Variants in DRICH1 observed in about 807,000 individuals in gnomAD.
DRICH1 encodes aspartate rich 1.
In DRICH1, 38 loss-of-function variants were observed where a neutral mutation model predicts 39.5. The observed-to-expected ratio is 0.96, with a 90% confidence interval of 0.74 to 1.26. The LOEUF (loss-of-function observed/expected upper bound fraction) is 1.26. Ranked by LOEUF, DRICH1 falls within the 50% of genes most tolerant of loss-of-function variation. DRICH1 has a pLI of 0.00. For missense variants in DRICH1, 279 were observed against 270.4 expected, an observed-to-expected ratio of 1.03 and a Z score of -0.22; for synonymous variants, 84 against 99.5, an observed-to-expected ratio of 0.84 and a Z score of 0.93.
chr22:23,624,846 TTGTTTC>T (rs1355890991), intron 3 of DRICH1, 31 bp downstream of exon 3: 3 of 1,606,276 alleles, frequency 1.9e-6, no homozygotes, highest in Admixed American at 3.3e-5. Context: ...GCTAGCAAGT[TTGTTTC>T]TCAGAAAGTG....
At chr22:23,617,055 C>A (rs916881040) in intron 7 of DRICH1, among the ~76,000 whole-genome samples, 181 bp from the exon 8 acceptor site, 8 of 152,162 alleles carry the variant, frequency 5.3e-5, no homozygotes, top group Non-Finnish European at 8.8e-5. Flanking sequence ...GCTTTTCCCA[C>A]AGAATTTATC....
chr22:23,609,326 T>C (rs1926904433), intron 11 of DRICH1, among the ~76,000 whole-genome samples: 1 of 152,160 alleles, frequency 6.6e-6, no homozygotes, highest in Non-Finnish European at 1.5e-5. Context: ...GGCGAGTAAT[T>C]GTGCCTATCA....
intron 6 of DRICH1, 63 bp downstream of exon 6, chr22:23,619,301 T>C: frequency 2.6e-6 from 2 of 774,244 alleles, no homozygotes; most frequent in South Asian, 1.4e-5. Context: ...CTTCCCATAT[T>C]CATGGATAGG....
the DRICH1 span, among the ~76,000 whole-genome samples, chr22:23,595,572 T>C: frequency 1.3e-5 from 2 of 152,232 alleles, no homozygotes; most frequent in African/African-American, 4.8e-5. Flanking sequence ...TAAAATTAAG[T>C]AAACACATTG....
At chr22:23,586,478 G>C in the DRICH1 span, among the ~76,000 whole-genome samples, 2 of 152,198 alleles carry the variant, frequency 1.3e-5, no homozygotes, top group African/African-American at 2.4e-5. Flanking sequence ...AACAGTGTGA[G>C]ACCCTGTTTC....
downstream of DRICH1, among the ~76,000 whole-genome samples, chr22:23,604,699 G>T (rs1239029511): frequency 3.3e-5 from 5 of 152,150 alleles, no homozygotes; most frequent in African/African-American, 1.2e-4. Flanking sequence ...AGGCTGCAAG[G>T]CCCTCACCAA....
At chr22:23,596,819 G>A in the DRICH1 span, among the ~76,000 whole-genome samples, 10 of 151,930 alleles carry the variant, frequency 6.6e-5, no homozygotes, top group Admixed American at 1.3e-4. Context: ...TGTGTGCTTG[G>A]GAAGAATCTG....
At chr22:23,605,165 A>G (rs2154592), downstream of DRICH1, among the ~76,000 whole-genome samples, 84,348 of 151,910 alleles carry the variant, frequency 0.56, 23,850 homozygotes, top group Non-Finnish European at 0.59. Flanking sequence ...TATAAAGTTC[A>G]CCAGTGATGA....
chr22:23,593,971 C>A, the DRICH1 span, among the ~76,000 whole-genome samples: 1 of 17,934 alleles, frequency 5.6e-5, no homozygotes, highest in Non-Finnish European at 1.3e-4. Context: ...GAGCAAGACT[C>A]TGTCTCAAAA....
chr22:23,632,196 T>G lies in DRICH1; in HGVS notation c.-173A>C. On this transcript the variant is annotated 5_prime_UTR_variant, in exon 1 of 12. The change abolishes the stop of an existing upstream ORF in the 5' untranslated region. Transcript: ENST00000317749. ...CCGCCACCTCCCAAACTAGCTGGTC[T>G]ATGAGGTCAGGGACCTGCTGTCTTC... The G allele has an allele frequency of 1.8e-6, 2 of 1,088,652 alleles. No homozygotes were observed. Among genetic ancestry groups the G allele is most frequent in the Non-Finnish European group, 2.6e-6 (2 of 775,252 alleles). The allele number at this position is 1,088,652 out of a possible 1,614,324, so 67.4% of individuals were successfully genotyped here.
intron 1 of DRICH1, among the ~76,000 whole-genome samples, chr22:23,627,877 C>A (rs1246511771): frequency 6.6e-6 from 1 of 152,136 alleles, no homozygotes; most frequent in African/African-American, 2.4e-5. Flanking sequence ...ACCCCAGAGG[C>A]GACCTAGAAC....
intron 4 of DRICH1, 126 bp downstream of exon 4, chr22:23,621,964 AG>A: frequency 1.2e-6 from 1 of 861,218 alleles, no homozygotes; most frequent in Non-Finnish European, 1.9e-6. Flanking sequence ...AAACAAAGAA[AG>A]GAAAGAAAAT....
At chr22:23,589,176 C>T in the DRICH1 span, among the ~76,000 whole-genome samples, 197 of 151,970 alleles carry the variant, frequency 1.3e-3, 1 homozygote, top group African/African-American at 4.3e-3. Flanking sequence ...ACCAGCCAGG[C>T]GAGGTGGCTC....
intron 3 of DRICH1, 108 bp from the exon 4 acceptor site, chr22:23,622,284 G>T: frequency 1.0e-6 from 1 of 972,242 alleles, no homozygotes; most frequent in Non-Finnish European, 1.7e-6. Flanking sequence ...AACAAGCATG[G>T]ACTGAGTTAA....
the DRICH1 span, among the ~76,000 whole-genome samples, chr22:23,584,202 C>T: frequency 7.9e-5 from 12 of 152,218 alleles, no homozygotes; most frequent in Non-Finnish European, 1.8e-4. Context: ...CAGGCCTGGG[C>T]AGAGGAGGCT....
chr22:23,618,339 C>T (rs375913885), intron 6 of DRICH1, among the ~76,000 whole-genome samples: 26 of 152,188 alleles, frequency 1.7e-4, no homozygotes, highest in South Asian at 8.3e-4. Flanking sequence ...TGGTCTCCAT[C>T]TCCTGATCTC....
chr22:23,601,420 C>T, the DRICH1 span, among the ~76,000 whole-genome samples: 9 of 152,106 alleles, frequency 5.9e-5, no homozygotes, highest in Non-Finnish European at 1.0e-4. Context: ...GGAGGAACAC[C>T]CAGAAAACTA....
At chr22:23,590,947 G>T in the DRICH1 span, among the ~76,000 whole-genome samples, 1 of 152,130 alleles carries the variant, frequency 6.6e-6, no homozygotes, top group Non-Finnish European at 1.5e-5. Context: ...TTATAGCCTG[G>T]CATATGTGCG....
At chr22:23,600,185 C>T in the DRICH1 span, among the ~76,000 whole-genome samples, 1 of 152,196 alleles carries the variant, frequency 6.6e-6, no homozygotes, top group African/African-American at 2.4e-5. Context: ...TACCCAAGAC[C>T]TTAGGGTCCC....
Sources: gnomAD v4.1 joint callset for allele counts (sites outside exome capture counted in the v4.1 genomes callset) on GRCh38, gnomAD v4.1.1 for gene constraint, MANE v1.5 for transcripts, NCBI Gene and HGNC (gene_info 2026-07-23, HGNC 2026-07-21) for gene names.